Variants in SLC24A2 observed in about 807,000 individuals in gnomAD.
SLC24A2 encodes the protein solute carrier family 24 member 2.
In SLC24A2, 36 loss-of-function variants were observed where a neutral mutation model predicts 62.0. That is an observed-to-expected ratio of 0.58 (90% CI 0.44 to 0.77). SLC24A2 has a LOEUF of 0.77. SLC24A2 is among the 30% of genes least tolerant of loss of function. The pLI, the probability that SLC24A2 is intolerant of heterozygous loss-of-function variation, is 0.00. For missense variants in SLC24A2, 846 were observed against 817.9 expected, an observed-to-expected ratio of 1.03 and a Z score of -0.42; for synonymous variants, 358 against 294.0, an observed-to-expected ratio of 1.22 and a Z score of -2.23.
intron 9 of SLC24A2, among the ~76,000 whole-genome samples, chr9:19,521,705 TTA>T (rs1833206993): frequency 6.6e-6 from 1 of 152,144 alleles, no homozygotes; most frequent in Non-Finnish European, 1.5e-5. Flanking sequence ...ACTGTACCAA[TTA>T]TATGTCATTG....
chr9:19,826,406 T>C, the SLC24A2 span, among the ~76,000 whole-genome samples: 9,524 of 152,032 alleles, frequency 0.063, 453 homozygotes, highest in East Asian at 0.22. Flanking sequence ...CTTGAGGTAT[T>C]TGTGAGAGAA....
chr9:19,974,644 A>C, the SLC24A2 span, among the ~76,000 whole-genome samples: 10 of 152,324 alleles, frequency 6.6e-5, no homozygotes, highest in African/African-American at 2.4e-4. Context: ...AACACCATAT[A>C]GGATTAGTTA....
At chr9:20,119,887 T>C in the SLC24A2 span, among the ~76,000 whole-genome samples, 1 of 152,202 alleles carries the variant, frequency 6.6e-6, no homozygotes, top group South Asian at 2.1e-4. Flanking sequence ...ATATTGCTGC[T>C]GTGACAATTT....
the SLC24A2 span, among the ~76,000 whole-genome samples, chr9:19,820,692 G>A: frequency 6.6e-6 from 1 of 151,964 alleles, no homozygotes; most frequent in Non-Finnish European, 1.5e-5. Flanking sequence ...GTGTGTGTGT[G>A]TGTGTATTTG....
chr9:19,736,280 A>T (rs889185415), intron 2 of SLC24A2, among the ~76,000 whole-genome samples: 3 of 152,196 alleles, frequency 2.0e-5, no homozygotes, highest in Non-Finnish European at 4.4e-5. Flanking sequence ...TAGTCTCAGT[A>T]AGAGAAAACA....
At position 19,636,286 on chromosome 9, in the gene SLC24A2, C is replaced by CTTTTCTTTTCTTTTCTT. The variant is rs1288181642; in HGVS notation, c.931-13988_931-13987insAAGAAAAGAAAAGAAAA. On this transcript the variant is annotated intron_variant, in intron 2 of 10. Coordinates refer to ENST00000341998, the MANE Select transcript of SLC24A2 (RefSeq NM_020344.4). The stretch of plus-strand genomic sequence containing the variant: ...TTTTCTTCTCTTCTTCTCTTCTTCT[C>CTTTTCTTTTCTTTTCTT]TTCTTTTCTTTTCTTTTCTTTTCTT... Among the ~76,000 whole-genome samples the CTTTTCTTTTCTTTTCTT allele has an allele frequency of 9.1e-5, 8 of 88,086 alleles. 3 individuals carry two copies. Among genetic ancestry groups the CTTTTCTTTTCTTTTCTT allele is most frequent in the African/African-American group, 2.5e-4 (5 of 20,302 alleles). The allele number at this position is 88,086 out of a possible 152,430, so 57.8% of individuals were successfully genotyped here.
chr9:20,019,730 T>G, the SLC24A2 span, among the ~76,000 whole-genome samples: 2 of 152,078 alleles, frequency 1.3e-5, no homozygotes, highest in Admixed American at 1.3e-4. Context: ...TGGGATCTAA[T>G]TAAACTAAAG....
At chr9:19,836,087 G>A in the SLC24A2 span, among the ~76,000 whole-genome samples, 1 of 152,016 alleles carries the variant, frequency 6.6e-6, no homozygotes, top group Admixed American at 6.5e-5. Context: ...GTGTGTAGAG[G>A]GAAATTTATA....
the SLC24A2 span, among the ~76,000 whole-genome samples, chr9:19,846,665 T>C: frequency 6.6e-6 from 1 of 152,176 alleles, no homozygotes; most frequent in East Asian, 1.9e-4. Flanking sequence ...GGTTGCTTTA[T>C]AGGGTCTGTG....
the SLC24A2 span, among the ~76,000 whole-genome samples, chr9:20,290,705 G>A: frequency 6.6e-6 from 1 of 152,344 alleles, no homozygotes; most frequent in East Asian, 1.9e-4. Flanking sequence ...CTGTGCCTGA[G>A]ATGCCTACAT....
In SLC24A2 at chr9:19,515,914, A is replaced by G; in HGVS notation, c.*239T>C. The G allele has an allele frequency of 1.9e-6, 1 of 522,556 alleles. No homozygotes were observed. Among genetic ancestry groups the G allele is most frequent in the Non-Finnish European group, 3.5e-6 (1 of 288,944 alleles). 32.4% of individuals were successfully genotyped at this position (522,556 alleles called of 1,614,324 possible). On this transcript the variant is annotated 3_prime_UTR_variant, in exon 11 of 11. Transcript: ENST00000341998. ...TACTTGTCAGTGGTGAATAGGGAGAAGCCCTGTATTGACGGTTCTCTTTGT... is the reference window on the plus strand; with the variant it reads ...TACTTGTCAGTGGTGAATAGGGAGAGGCCCTGTATTGACGGTTCTCTTTGT...
intron 2 of SLC24A2, among the ~76,000 whole-genome samples, chr9:19,694,590 C>G (rs1820132076): frequency 6.6e-6 from 1 of 152,056 alleles, no homozygotes; most frequent in South Asian, 2.1e-4. Flanking sequence ...TAATATGCAT[C>G]AAGGGTTAAA....
chr9:19,563,311 G>C (rs1835495001), intron 7 of SLC24A2, among the ~76,000 whole-genome samples: 1 of 152,076 alleles, frequency 6.6e-6, no homozygotes, highest in Admixed American at 6.5e-5. Context: ...CCAGGAGATT[G>C]AAAAACCAGG....
the SLC24A2 span, among the ~76,000 whole-genome samples, chr9:19,947,781 A>T: frequency 7.6e-6 from 1 of 130,964 alleles, no homozygotes; most frequent in African/African-American, 2.8e-5. Context: ...TCACAGCGAG[A>T]CTCTGTCTCA....
Position 19,786,307 on chromosome 9 carries a change from G to A in SLC24A2, c.560C>T (p.Pro187Leu). Residue 187 changes from proline (P) to leucine (L), a missense_variant, in exon 2 of 11, where the codon CCA (proline) becomes CTA (leucine). Transcript: ENST00000341998. The surrounding 1 kb of genome is among the most constrained non-coding windows in gnomAD (Gnocchi z 5.0). ...CCCTATGAGAGATGTGAAAAGTTCTGGGGCTGACCCTCCTGCAGCCATGAA... is the reference window on the plus strand; with the variant it reads ...CCCTATGAGAGATGTGAAAAGTTCTAGGGCTGACCCTCCTGCAGCCATGAA... ...ATFMAAGGSAPELFTSLIGVF... is the reference protein window; with the variant it reads ...ATFMAAGGSALELFTSLIGVF... The A allele has an allele frequency of 6.2e-7, 1 of 1,614,110 alleles. No homozygotes were observed. Among genetic ancestry groups the A allele is most frequent in the Non-Finnish European group, 8.5e-7 (1 of 1,180,028 alleles).
chr9:19,929,618 GGTTT>G, the SLC24A2 span: 1 of 152,040 alleles, frequency 6.6e-6, no homozygotes, highest in South Asian at 2.1e-4. Flanking sequence ...CGATGTTACT[GGTTT>G]GTATATTTAC....
intron 2 of SLC24A2, among the ~76,000 whole-genome samples, chr9:19,626,252 C>CA (rs1353248822): frequency 6.6e-6 from 1 of 152,230 alleles, no homozygotes; most frequent in Non-Finnish European, 1.5e-5. Flanking sequence ...CCACCTCACA[C>CA]ACATAAAAAT....
the SLC24A2 span, among the ~76,000 whole-genome samples, chr9:20,008,715 T>C: frequency 6.6e-6 from 1 of 152,150 alleles, no homozygotes; most frequent in Non-Finnish European, 1.5e-5. Context: ...CTAGACTCTA[T>C]ATTCACTCAT....
chr9:20,086,857 C>T, the SLC24A2 span, among the ~76,000 whole-genome samples: 12 of 152,144 alleles, frequency 7.9e-5, no homozygotes, highest in African/African-American at 2.7e-4. Context: ...ACTGGTGTTG[C>T]AGTTATATGC....
Sources: gnomAD v4.1 joint callset for allele counts (sites outside exome capture counted in the v4.1 genomes callset) on GRCh38, gnomAD v4.1.1 for gene constraint, Gnocchi (gnomAD v3.1) non-coding constraint, MANE v1.5 for transcripts, NCBI Gene and HGNC (gene_info 2026-07-23, HGNC 2026-07-21) for gene names.